The following CALN1 variants were observed in gnomAD, a reference collection of about 807,000 sequenced individuals.
CALN1 encodes calneuron 1.
A neutral mutation model predicts 30.6 loss-of-function variants in CALN1; 17 were observed. The observed-to-expected ratio is 0.56, with a 90% confidence interval of 0.38 to 0.83. CALN1 has a LOEUF of 0.83. Among genes scored for constraint, CALN1 ranks in the 40% least tolerant of loss-of-function variants. The pLI is 0.00. For synonymous variants in CALN1, 156 were observed against 131.4 expected, an observed-to-expected ratio of 1.19 and a Z score of -1.28; for missense variants, 291 against 354.9, an observed-to-expected ratio of 0.82 and a Z score of 1.45.
chr7:71,793,184 T>G (rs2115926794), intron 6 of CALN1, among the ~76,000 whole-genome samples: 1 of 152,214 alleles, frequency 6.6e-6, no homozygotes, highest in African/African-American at 2.4e-5. Flanking sequence ...CGGGCGCCTG[T>G]AATACCAGCT....
Position 72,123,035 on chromosome 7 carries a change from C to T in CALN1, c.245-16741G>A, listed in dbSNP as rs564509390. Among the ~76,000 whole-genome samples, 143 of 152,272 alleles carry T rather than the reference C, an allele frequency of 9.4e-4. 1 individual carries two copies. The highest frequency in any genetic ancestry group is 3.3e-3 in the African/African-American group (137 of 41,568). ...AGACTGGGCTCAACTCTGAATACTG[C>T]ATAGCCAAGAGAGAATTCAGAGCCA... is the stretch of plus-strand genomic sequence containing the variant. On this transcript the variant is annotated intron_variant, in intron 3 of 6. Transcript: ENST00000395275.
intron 2 of CALN1, among the ~76,000 whole-genome samples, chr7:72,290,092 A>T (rs1232137042): frequency 8.5e-5 from 6 of 70,928 alleles, no homozygotes; most frequent in African/African-American, 3.3e-4. Flanking sequence ...AAAAAAAAAA[A>T]AAAAAAAAAA....
At chr7:72,142,902 G>A (rs1029941499) in intron 3 of CALN1, among the ~76,000 whole-genome samples, 1 of 152,224 alleles carries the variant, frequency 6.6e-6, no homozygotes, top group Non-Finnish European at 1.5e-5. Flanking sequence ...CAACTGACCT[G>A]CAGCTGAGGG....
chr7:72,230,631 AT>A (rs1416098266), intron 3 of CALN1, among the ~76,000 whole-genome samples: 2 of 152,166 alleles, frequency 1.3e-5, no homozygotes, highest in Non-Finnish European at 1.5e-5. Flanking sequence ...GGCAGACTCT[AT>A]AGAAGTTCGA....
At chr7:71,809,960 C>A (rs936806675) in intron 6 of CALN1, among the ~76,000 whole-genome samples, 1 of 152,026 alleles carries the variant, frequency 6.6e-6, no homozygotes, top group African/African-American at 2.4e-5. Context: ...TGCCCAAGGT[C>A]ACACAACGGA....
Position 71,789,605 on chromosome 7 carries a change from T to C in CALN1, c.659-1703A>G, listed in dbSNP as rs185691062. On this transcript the variant is annotated intron_variant, in intron 6 of 6. Coordinates refer to ENST00000395275, the MANE Select transcript of CALN1 (RefSeq NM_031468.4). ...AAGATAGGGGGGCACCAAACTCTCT[T>C]AGACATGCCAGAGGCAGGGTGTCCT... Among the ~76,000 whole-genome samples the C allele has an allele frequency of 4.7e-3, 716 of 152,188 alleles. 3 individuals carry two copies. Among genetic ancestry groups the C allele is most frequent in the Middle Eastern group, 6.8e-3 (2 of 294 alleles).
At chr7:71,939,593 C>T (rs1043987861) in intron 5 of CALN1, among the ~76,000 whole-genome samples, 1 of 150,012 alleles carries the variant, frequency 6.7e-6, no homozygotes, top group African/African-American at 2.4e-5. Context: ...AAAAAGTTTA[C>T]GGATGGTAGT....
chr7:72,096,192 G>A (rs1806219970), intron 4 of CALN1, among the ~76,000 whole-genome samples: 2 of 152,130 alleles, frequency 1.3e-5, no homozygotes, highest in African/African-American at 4.8e-5. Flanking sequence ...TGCTGACTCT[G>A]CCTGTCCCTG....
intron 5 of CALN1, among the ~76,000 whole-genome samples, chr7:71,972,306 G>A (rs1281767372): frequency 3.3e-5 from 5 of 152,148 alleles, no homozygotes; most frequent in Non-Finnish European, 7.4e-5. Flanking sequence ...CACGCTCAGG[G>A]AGAAGAAACT....
chr7:72,196,423 GTTTC>G (rs1319942256), intron 3 of CALN1, among the ~76,000 whole-genome samples: 2 of 152,154 alleles, frequency 1.3e-5, no homozygotes, highest in Non-Finnish European at 2.9e-5. Context: ...CTGGCCTTCA[GTTTC>G]TTTATGGAGC....
chr7:71,810,873 C>T (rs1787909415), intron 5 of CALN1, among the ~76,000 whole-genome samples: 1 of 151,692 alleles, frequency 6.6e-6, no homozygotes, highest in South Asian at 2.1e-4. Flanking sequence ...TCTGGCAATT[C>T]CCATATTGGT....
chr7:72,343,118 T>C (rs907516563), intron 2 of CALN1, among the ~76,000 whole-genome samples: 2 of 152,140 alleles, frequency 1.3e-5, no homozygotes, highest in Non-Finnish European at 2.9e-5. Flanking sequence ...AAGCTATAAC[T>C]GCCTCGAAAG....
chr7:72,342,660 G>C (rs1473723980), intron 2 of CALN1, among the ~76,000 whole-genome samples: 2 of 152,030 alleles, frequency 1.3e-5, no homozygotes, highest in Non-Finnish European at 2.9e-5. Flanking sequence ...CTCTAGCTTT[G>C]GGATTCAGAG....
At chr7:72,413,058 G>A (rs890504698), upstream of CALN1, among the ~76,000 whole-genome samples, 1 of 152,190 alleles carries the variant, frequency 6.6e-6, no homozygotes, top group Admixed American at 6.5e-5. Context: ...CACCCGGGGG[G>A]TTTGCACTGA....
At chr7:72,247,227 CTTTTTTTTTTTTTTTTTTTT>C (rs764276435) in intron 3 of CALN1, among the ~76,000 whole-genome samples, 22 of 77,710 alleles carry the variant, frequency 2.8e-4, no homozygotes, top group Non-Finnish European at 3.7e-4. Context: ...CATTTTCTTT[CTTTTTTTTTTTTTTTTTTTT>C]TTTTTTTTTT....
intron 1 of CALN1, among the ~76,000 whole-genome samples, chr7:72,422,825 T>C (rs940051278): frequency 6.6e-6 from 1 of 152,214 alleles, no homozygotes; most frequent in African/African-American, 2.4e-5. Context: ...TCATCTTATT[T>C]CAGATTAAAA....
chr7:72,209,230 T>TTCCTTCCCTCTTTCCTTCCC (rs1792159406), intron 3 of CALN1, among the ~76,000 whole-genome samples: 2 of 18,178 alleles, frequency 1.1e-4, no homozygotes, highest in Non-Finnish European at 2.1e-4. Flanking sequence ...CCTTCCCTCT[T>TTCCTTCCCTCTTTCCTTCCC]TCCTTCCCTC....
chr7:72,493,243 A>T, the CALN1 span, among the ~76,000 whole-genome samples: 3 of 152,180 alleles, frequency 2.0e-5, no homozygotes, highest in Admixed American at 6.5e-5. Context: ...CATTTCACAG[A>T]AATGGTATCA....
chr7:72,284,189 G>A (rs937207797), intron 2 of CALN1, among the ~76,000 whole-genome samples: 7 of 152,314 alleles, frequency 4.6e-5, no homozygotes, highest in African/African-American at 1.7e-4. Flanking sequence ...CTGCTACTCA[G>A]GAGGCTGAGG....
Sources: gnomAD v4.1 joint callset for allele counts (sites outside exome capture counted in the v4.1 genomes callset) on GRCh38, gnomAD v4.1.1 for gene constraint, MANE v1.5 for transcripts, NCBI Gene and HGNC (gene_info 2026-07-23, HGNC 2026-07-21) for gene names.